TNFRSF10B: variants seen among roughly 807,000 people sequenced by gnomAD.
TNFRSF10B encodes the protein TNF receptor superfamily member 10b.
TNFRSF10B carries 35 observed loss-of-function variants against 41.4 expected under a neutral mutation model. The observed-to-expected ratio is 0.85, with a 90% confidence interval of 0.65 to 1.12. The LOEUF (loss-of-function observed/expected upper bound fraction) is 1.12, where lower values mean the gene tolerates loss of function less well. Ranked by LOEUF, TNFRSF10B falls within the 50% of genes most tolerant of loss-of-function variation. The pLI is 0.00. For missense variants in TNFRSF10B, 584 were observed against 552.7 expected (o/e 1.06, Z -0.57); for synonymous variants, 230 against 215.5 (o/e 1.07, Z -0.59).
intron 6 of TNFRSF10B, chr8:23,027,508 G>A (rs1040322348): frequency 3.8e-6 from 3 of 780,296 alleles, no homozygotes; most frequent in African/African-American, 3.4e-5. Flanking sequence ...CAGGCTGTGG[G>A]GTGAGGATGT....
At chr8:23,026,030 G>A (rs990467410) in intron 7 of TNFRSF10B, among the ~76,000 whole-genome samples, 11 of 152,008 alleles carry the variant, frequency 7.2e-5, no homozygotes, top group Admixed American at 2.0e-4. Context: ...GAGCCAAGAT[G>A]GTGCCACTGC....
chr8:23,024,256 G>A lies in TNFRSF10B; in HGVS notation c.941C>T (p.Pro314Leu), dbSNP rs141021862. 6.3e-5 allele frequency: 101 copies of A among 1,613,952 alleles called. No individual in the cohort carries two copies. The highest frequency in any genetic ancestry group is 4.4e-4 in the African/African-American group (33 of 74,982). The part of the protein sequence containing the change: ...SPGESEHLLE[P>L]AEAERSQRRR... ...CCTCTGAGACCTTTCAGCTTCTGCC[G>A]GTTCCTGTAACACATAGTGGGGAAT... The change falls in exon 8 of 9, where the codon CCG becomes CTG. Residue 314 changes from proline to leucine, a missense_variant. Physicochemically the swap from Pro to Leu is moderately conservative, Grantham distance 98. Coordinates refer to ENST00000276431, the MANE Select transcript of TNFRSF10B (RefSeq NM_003842.5).
chr8:23,031,045 G>A (rs1811868527), intron 2 of TNFRSF10B, among the ~76,000 whole-genome samples, 173 bp from the exon 3 acceptor site: 1 of 152,098 alleles, frequency 6.6e-6, no homozygotes, highest in Non-Finnish European at 1.5e-5. Flanking sequence ...AACCAGCACT[G>A]CCAAAAGAAA....
chr8:23,036,056 G>A (rs564581749), intron 2 of TNFRSF10B, among the ~76,000 whole-genome samples: 2 of 148,502 alleles, frequency 1.3e-5, no homozygotes, highest in African/African-American at 4.9e-5. Context: ...CAGGCCCTTA[G>A]GTTTTGGAGC....
At chr8:23,040,687 C>T (rs1812168663) in intron 2 of TNFRSF10B, among the ~76,000 whole-genome samples, 1 of 151,776 alleles carries the variant, frequency 6.6e-6, no homozygotes. Context: ...ATAGTTTAAA[C>T]TCTGCAATTA....
chr8:23,033,660 G>A (rs1811950655), intron 2 of TNFRSF10B, among the ~76,000 whole-genome samples: 2 of 143,546 alleles, frequency 1.4e-5, no homozygotes, highest in Admixed American at 1.4e-4. Context: ...AAATATAAAT[G>A]CTGGTACGCA....
At chr8:23,040,921 C>A (rs547316852) in intron 2 of TNFRSF10B, among the ~76,000 whole-genome samples, 1 of 152,184 alleles carries the variant, frequency 6.6e-6, no homozygotes, top group East Asian at 1.9e-4. Flanking sequence ...GTTGGGGCAA[C>A]CAAAAAGGTG....
chr8:23,049,108 T>C (rs1488853342), intron 1 of TNFRSF10B, among the ~76,000 whole-genome samples: 1 of 152,132 alleles, frequency 6.6e-6, no homozygotes, highest in Non-Finnish European at 1.5e-5. Flanking sequence ...CTTCGTGCCC[T>C]GTTGGTGGGA....
At chr8:23,025,120 C>T (rs1762806093) in intron 7 of TNFRSF10B, among the ~76,000 whole-genome samples, 1 of 152,156 alleles carries the variant, frequency 6.6e-6, no homozygotes, top group African/African-American at 2.4e-5. Context: ...CACTGCACTC[C>T]AGCCTGGGTG....
At chr8:23,028,003 G>A (rs1811762712) in intron 5 of TNFRSF10B, 3 of 607,118 alleles carry the variant, frequency 4.9e-6, no homozygotes, top group Non-Finnish European at 2.9e-6. Flanking sequence ...AAAATCCCAC[G>A]ACCACTTCTC....
rs770017158 is a variant in TNFRSF10B, at chr8:23,043,158, G to A, written c.230C>T (p.Ser77Leu). 4 of 1,614,144 alleles carry A rather than the reference G, an allele frequency of 2.5e-6. No individual in the cohort carries two copies. The highest frequency in any genetic ancestry group is 3.3e-5 in the Admixed American group (2 of 60,026). The change falls in exon 2 of 9, where the codon TCA (serine) becomes TTA (leucine). Residue 77 changes from serine (S) to leucine (L), a missense_variant. Physicochemically the swap from Ser to Leu is moderately radical, Grantham distance 145 (BLOSUM62 -2). Transcript: ENST00000276431. ...AAPQQKRSSPSEGLCPPGHHI... is the reference protein window; with the variant it reads ...AAPQQKRSSPLEGLCPPGHHI... The stretch of plus-strand genomic sequence containing the variant: ...CATACCAGGTGGACACAATCCCTCT[G>A]AGGGGCTGGACCTCTTTTGTTGTGG...
chr8:23,050,796 G>C (rs370897741), intron 1 of TNFRSF10B, among the ~76,000 whole-genome samples: 3 of 152,060 alleles, frequency 2.0e-5, no homozygotes, highest in Admixed American at 6.6e-5. Context: ...AGTTAAGGCC[G>C]GGCGTGGTGT....
intron 6 of TNFRSF10B, 103 bp downstream of exon 6, chr8:23,027,618 AG>A: frequency 6.6e-7 from 1 of 1,518,818 alleles, no homozygotes; most frequent in Non-Finnish European, 9.1e-7. Flanking sequence ...TCAGAGAGTC[AG>A]GGCAGCCATG....
chr8:23,046,461 A>G (rs756183876), intron 1 of TNFRSF10B, among the ~76,000 whole-genome samples: 72 of 152,196 alleles, frequency 4.7e-4, no homozygotes, highest in Non-Finnish European at 8.2e-4. Context: ...ACACAAATGC[A>G]TGAAAATAAA....
chr8:23,042,429 G>A (rs1391960800), intron 2 of TNFRSF10B, among the ~76,000 whole-genome samples: 1 of 152,178 alleles, frequency 6.6e-6, no homozygotes, highest in African/African-American at 2.4e-5. Context: ...GGGAAGAAGT[G>A]CGAGGCGAAC....
At chr8:23,046,534 G>A (rs183361505) in intron 1 of TNFRSF10B, among the ~76,000 whole-genome samples, 1 of 151,162 alleles carries the variant, frequency 6.6e-6, no homozygotes, top group African/African-American at 2.4e-5. Flanking sequence ...CAATCTATAG[G>A]CTCAATGTAA....
intron 2 of TNFRSF10B, among the ~76,000 whole-genome samples, chr8:23,039,736 C>G (rs1182297196): frequency 6.6e-6 from 1 of 152,130 alleles, no homozygotes; most frequent in African/African-American, 2.4e-5. Context: ...AGTGGTCACA[C>G]AACGTGCAAG....
rs145630971 is a variant in TNFRSF10B at position 23,022,950 on chromosome 8, C to T, written c.1044G>A (p.Leu348=). The T allele has an allele frequency of 8.1e-6, 13 of 1,613,604 alleles. No homozygotes were observed. The Admixed American group carries it at 1.0e-4, about 12-fold the overall frequency. ...LRQCFDDFAD[L]VPFDSWEPLM... Reference sequence around the variant, plus strand: ...GCGGCTCCCAGGAGTCAAAGGGCACCAAGTCTGCAAAGTCATCGAAGCACT... The same window carrying T: ...GCGGCTCCCAGGAGTCAAAGGGCACTAAGTCTGCAAAGTCATCGAAGCACT... The change falls in exon 9 of 9, where the codon TTG becomes TTA. Residue 348 remains leucine, a synonymous_variant. Transcript: ENST00000276431.
chr8:23,035,342 A>G (rs1172992214), intron 2 of TNFRSF10B, among the ~76,000 whole-genome samples: 1 of 152,062 alleles, frequency 6.6e-6, no homozygotes, highest in Non-Finnish European at 1.5e-5. Flanking sequence ...AGGTTTCACC[A>G]TGTTGGCCAG....
Sources: allele counts gnomAD v4.1 joint callset (sites outside exome capture counted in the v4.1 genomes callset), GRCh38; gene constraint gnomAD v4.1.1; transcripts MANE v1.5; gene names NCBI Gene and HGNC (gene_info 2026-07-23, HGNC 2026-07-21).